AGO1: variants seen among roughly 807,000 people sequenced by gnomAD.
AGO1 encodes the protein argonaute RISC component 1.
AGO1 carries 11 observed loss-of-function variants against 109.2 expected under a neutral mutation model. The observed-to-expected ratio is 0.10, with a 90% CI of 0.06 to 0.17. The LOEUF (loss-of-function observed/expected upper bound fraction) is 0.17, where lower values mean the gene tolerates loss of function less well. Among genes scored for constraint, AGO1 ranks in the 10% least tolerant of loss-of-function variants. The pLI is 1.00. For synonymous variants in AGO1, 422 were observed against 418.6 expected (o/e 1.01, Z -0.10); for missense variants, 574 against 1,140.3 (o/e 0.50, Z 7.15).
chr1:35,918,293 G>A (rs1353330064), intron 16 of AGO1, 29 bp from the exon 17 acceptor site: 2 of 1,577,990 alleles, frequency 1.3e-6, no homozygotes, highest in South Asian at 2.2e-5. Flanking sequence ...GCAGGTCTTG[G>A]GATCTTGGTT....
chr1:35,902,250 G>A lies in AGO1; in HGVS notation c.1310G>A (p.Gly437Glu), dbSNP rs1370865156. Residue 437 changes from glycine (G) to glutamate (E), a missense_variant, in exon 11 of 19, where the codon GGG becomes GAG. Gly to Glu is a moderately conservative substitution (Grantham distance 98). Transcript: ENST00000373204. ...TPNQGVWDMR[G>E]KQFYNGIEIK... Reference sequence around the variant, plus strand: ...AATCAGGGTGTCTGGGACATGCGGGGGAAACAGTTCTACAATGGGATTGAG... The same window carrying A: ...AATCAGGGTGTCTGGGACATGCGGGAGAAACAGTTCTACAATGGGATTGAG... 6.2e-7 allele frequency: 1 copy of A among 1,614,102 alleles called. No individual in the cohort carries two copies.
Position 35,922,440 on chromosome 1 carries a change from C to T in AGO1, c.*2833C>T, listed in dbSNP as rs557539448. 6.6e-6 allele frequency: 1 copy of T among 152,316 alleles called. No individual in the cohort carries two copies. Among genetic ancestry groups the T allele is most frequent in the South Asian group, 2.1e-4 (1 of 4,834 alleles). 9.4% of individuals were successfully genotyped at this position (152,316 alleles called of 1,614,324 possible). Reference sequence around the variant, plus strand: ...GATTTGGTTTAAGTGGTGCTTCTTACCCAAGCTTCAAGGAAGTGCTTGGGG... The same window carrying T: ...GATTTGGTTTAAGTGGTGCTTCTTATCCAAGCTTCAAGGAAGTGCTTGGGG... On this transcript the variant is annotated 3_prime_UTR_variant, in exon 19 of 19. Transcript: ENST00000373204.
intron 1 of AGO1, among the ~76,000 whole-genome samples, chr1:35,872,187 C>G: frequency 7.5e-6 from 1 of 133,098 alleles, no homozygotes; most frequent in African/African-American, 2.9e-5. Flanking sequence ...GACTCAATTT[C>G]TTTTTTTTTT....
At chr1:35,913,743 A>G in intron 12 of AGO1, 99 bp from the exon 13 acceptor site, 2 of 1,261,646 alleles carry the variant, frequency 1.6e-6, no homozygotes, top group African/African-American at 1.5e-5. Context: ...GTTTCCTGTC[A>G]TTATTGTGTT....
At chr1:35,889,486 A>G (rs1645178503) in intron 2 of AGO1, among the ~76,000 whole-genome samples, 1 of 151,966 alleles carries the variant, frequency 6.6e-6, no homozygotes, top group African/African-American at 2.4e-5. Flanking sequence ...TGCTGGGATT[A>G]CAGGCGTGAG....
chr1:35,921,574 G>C lies in AGO1; in HGVS notation c.*1967G>C, dbSNP rs985943795. ...CTTGGAGGCCAGCTGGAGGAAGAAGGGTCTAAATCCTGGCCTGTAGAGTTA... is the reference window on the plus strand; with the variant it reads ...CTTGGAGGCCAGCTGGAGGAAGAAGCGTCTAAATCCTGGCCTGTAGAGTTA... On this transcript the variant is annotated 3_prime_UTR_variant, in exon 19 of 19. Coordinates refer to ENST00000373204, the MANE Select transcript of AGO1 (RefSeq NM_012199.5). 9 of 152,632 alleles carry C rather than the reference G, an allele frequency of 5.9e-5. No individual in the cohort carries two copies. Among genetic ancestry groups the C allele is most frequent in the African/African-American group, 2.2e-4 (9 of 41,406 alleles). 9.5% of individuals were successfully genotyped at this position (152,632 alleles called of 1,614,324 possible).
intron 11 of AGO1, 104 bp from the exon 12 acceptor site, chr1:35,906,831 C>G: frequency 2.7e-6 from 2 of 734,136 alleles, no homozygotes; most frequent in Non-Finnish European, 4.2e-6. Flanking sequence ...AAAAACCAAT[C>G]TCTCAGTGCC....
At chr1:35,898,555 A>G (rs1179122339) in intron 8 of AGO1, among the ~76,000 whole-genome samples, 1 of 152,206 alleles carries the variant, frequency 6.6e-6, no homozygotes, top group East Asian at 1.9e-4. Context: ...GCACCTGGCC[A>G]ATGTTTAACA....
intron 1 of AGO1, among the ~76,000 whole-genome samples, chr1:35,873,057 G>T (rs1299410191): frequency 4.9e-5 from 7 of 143,144 alleles, no homozygotes; most frequent in Non-Finnish European, 9.3e-5. Context: ...CTGGTTACTT[G>T]TTTTTTTTTT....
At chr1:35,902,394 C>G in intron 11 of AGO1, 57 bp downstream of exon 11, 6 of 1,589,392 alleles carry the variant, frequency 3.8e-6, no homozygotes, top group Non-Finnish European at 5.1e-6. Context: ...AGCTGCCTGC[C>G]TTCCTGTAGT....
chr1:35,902,065 G>C lies in AGO1; in HGVS notation c.1258G>C (p.Gly420Arg). Residue 420 changes from glycine (G) to arginine (R), a missense_variant, in exon 10 of 19, where the codon GGC (glycine) becomes CGC (arginine). By Grantham distance (125) the Gly-to-Arg change is moderately radical. Coordinates refer to ENST00000373204, the MANE Select transcript of AGO1 (RefSeq NM_012199.5). ...GCCGGCGCCCATCTTGCAGTACGGC[G>C]GCCGGGTGAGCAGGGTCAGGGCCAG... ...VLPAPILQYG[G>R]RNRAIATPNQ... is the part of the protein sequence containing the mutation. 1 of 1,601,918 alleles carries C rather than the reference G, an allele frequency of 6.2e-7. No individual in the cohort carries two copies. Among genetic ancestry groups the C allele is most frequent in the Non-Finnish European group, 8.5e-7 (1 of 1,173,918 alleles).
rs147280933 is a variant in AGO1, at chr1:35,909,919, A to G, written c.1582+2800A>G. The stretch of plus-strand genomic sequence containing the variant: ...TCTGATTTCCCTCCATTAAAGGGAA[A>G]ATCCAATGTTTTGGCTTGGGAATGG... On this transcript the variant is annotated intron_variant, in intron 12 of 18. Transcript: ENST00000373204. Among the ~76,000 whole-genome samples, 576 of 152,168 alleles carry G rather than the reference A, an allele frequency of 3.8e-3. 6 individuals are homozygous for G. The highest frequency in any genetic ancestry group is 0.013 in the African/African-American group (556 of 41,500).
chr1:35,911,857 T>C (rs1428149801), intron 12 of AGO1, among the ~76,000 whole-genome samples: 1 of 152,200 alleles, frequency 6.6e-6, no homozygotes, highest in African/African-American at 2.4e-5. Context: ...ACATTTCACT[T>C]TGTTGACCAC....
intron 15 of AGO1, 89 bp downstream of exon 15, chr1:35,915,631 G>A: frequency 8.0e-7 from 1 of 1,256,992 alleles, no homozygotes; most frequent in African/African-American, 1.5e-5. Flanking sequence ...GCACTGAGAG[G>A]TGTGTCACTT....
upstream of AGO1, among the ~76,000 whole-genome samples, chr1:35,882,153 TGTTTG>T (rs1337192997): frequency 2.0e-5 from 3 of 152,172 alleles, no homozygotes; most frequent in Non-Finnish European, 4.4e-5. The surrounding 1 kb of genome is among the most constrained non-coding windows in gnomAD (Gnocchi z 5.1). Context: ...AAAGATAAAG[TGTTTG>T]GTTTGGACTT....
Position 35,906,915 on chromosome 1 carries a change from G to A in AGO1, c.1398-20G>A. ...TCAAGTGAGACTCACTGCCTCCTTT[G>A]TGACCATGCGTGTGTACAGGAACTT... is the stretch of plus-strand genomic sequence containing the variant. On this transcript the variant is annotated intron_variant, in intron 11 of 18. Coordinates refer to ENST00000373204, the MANE Select transcript of AGO1 (RefSeq NM_012199.5). 1.9e-6 allele frequency: 3 copies of A among 1,592,464 alleles called. No individual in the cohort carries two copies. Among genetic ancestry groups the A allele is most frequent in the Non-Finnish European group, 2.6e-6 (3 of 1,167,496 alleles).
At position 35,925,942 on chromosome 1, in the gene AGO1, C is replaced by T. The variant is rs969343335; in HGVS notation, c.*6335C>T. ...GTACATACGTGGACCTAGCATTCCTCTGGAGGCCAAGTGTTGTAAATTGGC... is the reference window on the plus strand; with the variant it reads ...GTACATACGTGGACCTAGCATTCCTTTGGAGGCCAAGTGTTGTAAATTGGC... On this transcript the variant is annotated 3_prime_UTR_variant, in exon 19 of 19. Transcript: ENST00000373204. 2 of 152,172 alleles carry T rather than the reference C, an allele frequency of 1.3e-5. No individual in the cohort carries two copies. The highest frequency in any genetic ancestry group is 2.1e-4 in the South Asian group (1 of 4,830). The allele number at this position is 152,172 out of a possible 1,614,324, so 9.4% of individuals were successfully genotyped here. A position where few individuals can be genotyped will look rare whatever the true frequency, so the allele number is the denominator to read the frequency against.
chr1:35,903,145 C>T (rs1372607793), intron 11 of AGO1, among the ~76,000 whole-genome samples: 1 of 151,342 alleles, frequency 6.6e-6, no homozygotes, highest in East Asian at 1.9e-4. Flanking sequence ...TAGCTGGGAC[C>T]ACAGGCGCCC....
At chr1:35,918,994 C>A in intron 17 of AGO1, 61 bp from the exon 18 acceptor site, 1 of 1,430,018 alleles carries the variant, frequency 7.0e-7, no homozygotes, top group Non-Finnish European at 9.8e-7. Flanking sequence ...TGATCCTGTT[C>A]CCCTATTATC....
Sources: allele counts gnomAD v4.1 joint callset (sites outside exome capture counted in the v4.1 genomes callset), GRCh38; gene constraint gnomAD v4.1.1; non-coding constraint Gnocchi (gnomAD v3.1); transcripts MANE v1.5; gene names NCBI Gene and HGNC (gene_info 2026-07-23, HGNC 2026-07-21).